Variants in CNN3 observed in about 807,000 individuals in gnomAD.
CNN3 encodes the protein calponin-3.
CNN3 carries 11 observed loss-of-function variants against 39.0 expected under a neutral mutation model. That is an observed-to-expected ratio of 0.28 (90% CI 0.18 to 0.47). The LOEUF (loss-of-function observed/expected upper bound fraction) is 0.47, where lower values mean the gene tolerates loss of function less well. Ranked by LOEUF, CNN3 falls within the 20% of genes least tolerant of loss-of-function variation. The pLI is 0.99. For missense variants in CNN3, 266 were observed against 403.4 expected, an observed-to-expected ratio of 0.66 and a Z score of 2.92; for synonymous variants, 101 against 138.3, an observed-to-expected ratio of 0.73 and a Z score of 1.89.
rs375033908 is a variant in CNN3, at chr1:94,917,887, A to G, written c.57+8951T>C. On this transcript the variant is annotated intron_variant, in intron 1 of 6. Coordinates refer to ENST00000370206, the MANE Select transcript of CNN3 (RefSeq NM_001839.5). The stretch of plus-strand genomic sequence containing the variant: ...ACCCTGAGGTAGATGTACTGTCTTC[A>G]TGCAGAGATGACTTGTCCAAAGGTT... Among the ~76,000 whole-genome samples the G allele has an allele frequency of 1.2e-4, 18 of 152,350 alleles. 1 individual carries two copies. The highest frequency in any genetic ancestry group is 8.5e-4 in the Admixed American group (13 of 15,300).
chr1:94,922,750 T>C (rs903118195), intron 1 of CNN3, among the ~76,000 whole-genome samples: 1 of 152,214 alleles, frequency 6.6e-6, no homozygotes, highest in Non-Finnish European at 1.5e-5. Flanking sequence ...GCAAACAAGC[T>C]AGGAGGACTT....
rs559711773 is a variant in CNN3 at position 94,926,877 on chromosome 1, C to T, written c.18G>A (p.Lys6=). The stretch of plus-strand genomic sequence containing the variant: ...CGGCCGAGAGCCCATAGGAAGGGCC[C>T]TTGTTGAAGTGGGTCATGGTGGTTC... MTHFN[K]GPSYGLSAEV... Residue 6 remains lysine, a synonymous_variant, in exon 1 of 7, where the codon AAG becomes AAA. Transcript: ENST00000370206. This position sits in a 1 kb window ranked among gnomAD's most constrained non-coding sequence, Gnocchi z 4.2. 6.2e-7 allele frequency: 1 copy of T among 1,611,032 alleles called. No homozygotes were observed. Among genetic ancestry groups the T allele is most frequent in the Admixed American group, 1.7e-5 (1 of 59,910 alleles).
intron 6 of CNN3, among the ~76,000 whole-genome samples, 198 bp from the exon 7 acceptor site, chr1:94,898,281 T>C (rs1323551313): frequency 1.3e-5 from 2 of 152,340 alleles, no homozygotes; most frequent in East Asian, 3.9e-4. Context: ...GCTTTTGAGC[T>C]AGGTGAGACC....
At chr1:94,906,570 C>T (rs12406603) in intron 1 of CNN3, among the ~76,000 whole-genome samples, 1 of 152,088 alleles carries the variant, frequency 6.6e-6, no homozygotes, top group Admixed American at 6.5e-5. Context: ...TCTGCCTTGG[C>T]GCCATGCCTG....
rs990209413 is a variant in CNN3 at position 94,905,808 on chromosome 1, G to A, written c.58-2284C>T. Among the ~76,000 whole-genome samples the A allele has an allele frequency of 4.6e-5, 7 of 152,086 alleles. No individual in the cohort carries two copies. The East Asian group carries it at 5.8e-4, about 13-fold the overall frequency. ...ACTCCTGGTCTCATGCAATCCTCCC[G>A]CATCAGCCTCCCAAAGTGCTGAGAT... On this transcript the variant is annotated intron_variant, in intron 1 of 6. Transcript: ENST00000370206.
intron 1 of CNN3, among the ~76,000 whole-genome samples, chr1:94,925,197 C>A (rs1671545762): frequency 6.6e-6 from 1 of 152,198 alleles, no homozygotes; most frequent in African/African-American, 2.4e-5. Flanking sequence ...ATTTACAATG[C>A]AAAAGGTAGT....
intron 6 of CNN3, among the ~76,000 whole-genome samples, chr1:94,898,911 A>G (rs894409768): frequency 5.3e-5 from 8 of 152,142 alleles, no homozygotes; most frequent in African/African-American, 1.9e-4. Context: ...TAACAAGGAA[A>G]TATTTCTATC....
At chr1:94,925,575 A>G in intron 1 of CNN3, 2 of 976,426 alleles carry the variant, frequency 2.0e-6, no homozygotes, top group Non-Finnish European at 1.2e-6. Flanking sequence ...GCAGACTAAC[A>G]GCGGGAGACA....
At chr1:94,912,766 T>G (rs1460672365) in intron 1 of CNN3, among the ~76,000 whole-genome samples, 1 of 152,228 alleles carries the variant, frequency 6.6e-6, no homozygotes, top group African/African-American at 2.4e-5. Flanking sequence ...TGTCACTGCC[T>G]TTTATGGGCG....
chr1:94,898,045 A>G lies in CNN3; in HGVS notation c.687T>C (p.Tyr229=), dbSNP rs759667748. Residue 229 remains tyrosine, a synonymous_variant, in exon 7 of 7, where the codon TAT becomes TAC. Coordinates refer to ENST00000370206, the MANE Select transcript of CNN3 (RefSeq NM_001839.5). ...CCGGCTGTAATGTTAGCTTCTGATCATAGATGTCTCTTCTGGTACCTGGTG... is the reference window on the plus strand; with the variant it reads ...CCGGCTGTAATGTTAGCTTCTGATCGTAGATGTCTCTTCTGGTACCTGGTG... The part of the protein sequence containing the change: ...MLAPGTRRDI[Y]DQKLTLQPVD... The G allele has an allele frequency of 1.1e-5, 17 of 1,613,960 alleles. No individual in the cohort carries two copies. The African/African-American group carries it at 2.0e-4, about 19-fold the overall frequency.
chr1:94,905,018 G>C (rs768732551), intron 1 of CNN3, among the ~76,000 whole-genome samples: 1 of 152,080 alleles, frequency 6.6e-6, no homozygotes, highest in Non-Finnish European at 1.5e-5. Flanking sequence ...ACAAGTTCCA[G>C]TCTACACCAC....
intron 6 of CNN3, among the ~76,000 whole-genome samples, chr1:94,898,475 A>T (rs1338963604): frequency 6.6e-6 from 1 of 152,236 alleles, no homozygotes; most frequent in Non-Finnish European, 1.5e-5. Context: ...GTGAATGCCC[A>T]TGGGGACCAC....
intron 1 of CNN3, among the ~76,000 whole-genome samples, chr1:94,909,836 C>T (rs542441928): frequency 2.6e-5 from 4 of 152,036 alleles, no homozygotes; most frequent in Non-Finnish European, 4.4e-5. Flanking sequence ...TCTCGGTGTA[C>T]GCCGAGAGCA....
At chr1:94,915,874 AG>A (rs1389293447) in intron 1 of CNN3, among the ~76,000 whole-genome samples, 3 of 152,168 alleles carry the variant, frequency 2.0e-5, no homozygotes, top group African/African-American at 7.2e-5. Context: ...TCAGATGAAA[AG>A]AGGACTTCTC....
intron 1 of CNN3, among the ~76,000 whole-genome samples, chr1:94,914,871 A>G (rs1662678563): frequency 1.3e-5 from 2 of 152,062 alleles, no homozygotes; most frequent in African/African-American, 4.8e-5. Flanking sequence ...ACAAAGTAGG[A>G]TAGAATTTCC....
chr1:94,901,522 TTATAAATAGA>T, intron 5 of CNN3, 137 bp downstream of exon 5: 4 of 529,710 alleles, frequency 7.6e-6, no homozygotes, highest in Non-Finnish European at 1.3e-5. Context: ...CTTATGGGCT[TTATAAATAGA>T]TATAAATTGT....
At chr1:94,906,061 C>G (rs955790247) in intron 1 of CNN3, among the ~76,000 whole-genome samples, 3 of 152,162 alleles carry the variant, frequency 2.0e-5, no homozygotes, top group Non-Finnish European at 4.4e-5. Context: ...CAGCTCACTG[C>G]AACCTCCACC....
At position 94,926,939 on chromosome 1, in the gene CNN3, T is replaced by C. The variant is rs758797605; in HGVS notation, c.-45A>G. 17 of 1,586,072 alleles carry C rather than the reference T, an allele frequency of 1.1e-5. No individual in the cohort carries two copies. In the South Asian group the frequency reaches 1.8e-4, roughly 17 times the overall value. On this transcript the variant is annotated 5_prime_UTR_variant, in exon 1 of 7. Coordinates refer to ENST00000370206, the MANE Select transcript of CNN3 (RefSeq NM_001839.5). The surrounding 1 kb of genome is among the most constrained non-coding windows in gnomAD (Gnocchi z 4.2). ...AGAGACAGCGCTGGGGTCCGGGGTC[T>C]CTCGCACTTCGCTTCCCCGCTCCTG...
At position 94,926,008 on chromosome 1, in the gene CNN3, G is replaced by A. The variant is rs772517506; in HGVS notation, c.57+830C>T. Among the ~76,000 whole-genome samples the A allele has an allele frequency of 1.3e-5, 2 of 152,086 alleles. No individual in the cohort carries two copies. The highest frequency in any genetic ancestry group is 2.9e-5 in the Non-Finnish European group (2 of 68,018). On this transcript the variant is annotated intron_variant, in intron 1 of 6. Transcript: ENST00000370206. The surrounding 1 kb of genome is among the most constrained non-coding windows in gnomAD (Gnocchi z 4.2). ...CTAAAGATAAACCTAACGCATTCTT[G>A]GGCTCAGTGGCAAAGCTGAGCGTCA...
Sources: gnomAD v4.1 joint callset for allele counts (sites outside exome capture counted in the v4.1 genomes callset) on GRCh38, gnomAD v4.1.1 for gene constraint, Gnocchi (gnomAD v3.1) non-coding constraint, MANE v1.5 for transcripts, NCBI Gene and HGNC (gene_info 2026-07-23, HGNC 2026-07-21) for gene names.